KCNAB1: variants seen among roughly 807,000 people sequenced by gnomAD.
KCNAB1 encodes the protein potassium voltage-gated channel subfamily A regulatory beta subunit 1, also known as voltage-gated potassium channel subunit beta-1.
In KCNAB1, 35 loss-of-function variants were observed where a neutral mutation model predicts 64.6. That is an observed-to-expected ratio of 0.54 (90% CI 0.41 to 0.72). The LOEUF is 0.72. Ranked by LOEUF, KCNAB1 falls within the 30% of genes least tolerant of loss-of-function variation. The pLI, the probability that KCNAB1 is intolerant of heterozygous loss-of-function variation, is 0.00. For synonymous variants in KCNAB1, 177 were observed against 183.8 expected, an observed-to-expected ratio of 0.96 and a Z score of 0.30; for missense variants, 401 against 512.9, an observed-to-expected ratio of 0.78 and a Z score of 2.11.
chr3:156,387,263 G>A (rs1032676678), intron 1 of KCNAB1, among the ~76,000 whole-genome samples: 7 of 152,066 alleles, frequency 4.6e-5, no homozygotes, highest in South Asian at 2.1e-4. Context: ...GGGATTGCCC[G>A]AGGCCAAGCC....
chr3:156,181,587 A>G (rs1195090863), intron 1 of KCNAB1, among the ~76,000 whole-genome samples: 1 of 152,156 alleles, frequency 6.6e-6, no homozygotes. Context: ...TCCAGTCACG[A>G]GGAGATGAGG....
At chr3:156,182,764 T>C (rs1712934960) in intron 1 of KCNAB1, among the ~76,000 whole-genome samples, 1 of 150,214 alleles carries the variant, frequency 6.7e-6, no homozygotes, top group African/African-American at 2.4e-5. Context: ...ACTGGTGCCA[T>C]CTCGGCTCAA....
At chr3:156,414,509 A>G (rs576717763) in intron 1 of KCNAB1, among the ~76,000 whole-genome samples, 3 of 152,360 alleles carry the variant, frequency 2.0e-5, no homozygotes, top group South Asian at 4.1e-4. Flanking sequence ...TCAACTTTGA[A>G]GTGATACAAA....
In KCNAB1 at chr3:156,147,406, T is replaced by G. The variant is rs147958232; in HGVS notation, c.275+26520T>G. ...TCCTGTGGAGCCCCTAATATTACTA[T>G]CATATCAAATAATAACTCAGTAAAG... On this transcript the variant is annotated intron_variant, in intron 1 of 13. Coordinates refer to ENST00000490337, the MANE Select transcript of KCNAB1 (RefSeq NM_172160.3). 3.2e-4 allele frequency among the ~76,000 whole-genome samples: 49 copies of G among 152,330 alleles called. 1 individual carries two copies. Among genetic ancestry groups the G allele is most frequent in the African/African-American group, 1.1e-3 (45 of 41,580 alleles).
At chr3:156,173,151 T>C (rs908434699) in intron 1 of KCNAB1, among the ~76,000 whole-genome samples, 1 of 152,168 alleles carries the variant, frequency 6.6e-6, no homozygotes. Flanking sequence ...CAGGCAGTGT[T>C]GCTGTCTAAG....
At chr3:156,325,290 C>G (rs1324129874) in intron 1 of KCNAB1, among the ~76,000 whole-genome samples, 3 of 152,136 alleles carry the variant, frequency 2.0e-5, no homozygotes, top group Non-Finnish European at 4.4e-5. Flanking sequence ...CTTTGCAGTA[C>G]AGTCATAATT....
intron 12 of KCNAB1, among the ~76,000 whole-genome samples, chr3:156,525,847 A>G (rs1718277774): frequency 6.6e-6 from 1 of 152,236 alleles, no homozygotes; most frequent in Non-Finnish European, 1.5e-5. Flanking sequence ...TTATAAAGTA[A>G]AAATGTTACA....
At chr3:156,377,403 G>A (rs1205112777) in intron 1 of KCNAB1, among the ~76,000 whole-genome samples, 6 of 152,136 alleles carry the variant, frequency 3.9e-5, no homozygotes, top group Non-Finnish European at 4.4e-5. Flanking sequence ...GGAAGACCAG[G>A]GTGCTGCTCG....
At chr3:156,289,574 C>T (rs1720283101) in intron 1 of KCNAB1, among the ~76,000 whole-genome samples, 2 of 152,204 alleles carry the variant, frequency 1.3e-5, no homozygotes, top group African/African-American at 4.8e-5. Context: ...GCTGAGAGTA[C>T]AAGAAGGGGT....
intron 5 of KCNAB1, among the ~76,000 whole-genome samples, chr3:156,461,294 T>A (rs981245059): frequency 2.6e-5 from 4 of 152,234 alleles, no homozygotes; most frequent in African/African-American, 9.6e-5. Context: ...GGCAGGGCCA[T>A]GCTCCCTCTG....
At position 156,174,050 on chromosome 3, in the gene KCNAB1, C is replaced by A. The variant is rs545409414; in HGVS notation, c.275+53164C>A. On this transcript the variant is annotated intron_variant, in intron 1 of 13. Transcript: ENST00000490337. ...ACCACCAACTTTCCTGAGTCTCCAG[C>A]TTGCAGACTACCGATTATGGGACTT... Among the ~76,000 whole-genome samples, 9 of 152,312 alleles carry A rather than the reference C, an allele frequency of 5.9e-5. No homozygotes were observed. The South Asian group carries it at 1.9e-3, about 32-fold the overall frequency.
intron 1 of KCNAB1, among the ~76,000 whole-genome samples, chr3:156,194,221 T>G (rs1451228812): frequency 7.3e-6 from 1 of 136,434 alleles, no homozygotes; most frequent in Non-Finnish European, 1.6e-5. Context: ...CCATTTGTTG[T>G]TTTTTTTTTG....
At chr3:156,344,760 T>C (rs910859523) in intron 1 of KCNAB1, among the ~76,000 whole-genome samples, 1 of 152,138 alleles carries the variant, frequency 6.6e-6, no homozygotes, top group Non-Finnish European at 1.5e-5. Context: ...AGAAATAAAC[T>C]GAGAGAATAG....
intron 8 of KCNAB1, among the ~76,000 whole-genome samples, chr3:156,493,639 T>C (rs1434193637): frequency 6.6e-6 from 1 of 152,130 alleles, no homozygotes; most frequent in Admixed American, 6.6e-5. Context: ...TGCCCACTAA[T>C]ATCCTTTTCT....
intron 1 of KCNAB1, among the ~76,000 whole-genome samples, chr3:156,189,405 C>T (rs537922889): frequency 5.3e-5 from 8 of 152,264 alleles, no homozygotes; most frequent in African/African-American, 7.2e-5. Flanking sequence ...CCAGAAGAAA[C>T]GATGGATGGT....
chr3:156,155,263 C>A (rs910745882), intron 1 of KCNAB1, among the ~76,000 whole-genome samples: 1 of 152,320 alleles, frequency 6.6e-6, no homozygotes, highest in East Asian at 1.9e-4. Context: ...CCATTGAGTG[C>A]TCACCTTGAG....
intron 1 of KCNAB1, among the ~76,000 whole-genome samples, chr3:156,226,199 A>T (rs2108426127): frequency 6.6e-6 from 1 of 152,328 alleles, no homozygotes; most frequent in African/African-American, 2.4e-5. Context: ...AAACAGCATT[A>T]TACTGGTATA....
At chr3:156,132,431 AGT>A (rs1714054105) in intron 1 of KCNAB1, among the ~76,000 whole-genome samples, 1 of 152,180 alleles carries the variant, frequency 6.6e-6, no homozygotes, top group Non-Finnish European at 1.5e-5. Flanking sequence ...AACCTGTCAG[AGT>A]GTTTCTCATT....
At chr3:156,200,468 T>A (rs992385313) in intron 1 of KCNAB1, among the ~76,000 whole-genome samples, 2 of 152,184 alleles carry the variant, frequency 1.3e-5, no homozygotes, top group African/African-American at 4.8e-5. Context: ...TAAAGTTTTA[T>A]CTCTAAGCCC....
Sources: allele counts gnomAD v4.1 joint callset (sites outside exome capture counted in the v4.1 genomes callset), GRCh38; gene constraint gnomAD v4.1.1; transcripts MANE v1.5; gene names NCBI Gene and HGNC (gene_info 2026-07-23, HGNC 2026-07-21).